Variants in GSTA3 observed in about 807,000 individuals in gnomAD.
GSTA3 encodes glutathione S-transferase A3.
GSTA3 carries 16 observed loss-of-function variants against 23.1 expected under a neutral mutation model. The ratio of observed to expected loss-of-function variants is 0.69; its 90% CI spans 0.47 to 1.05. The LOEUF (loss-of-function observed/expected upper bound fraction) is 1.05, where lower values mean the gene tolerates loss of function less well. Ranked by LOEUF, GSTA3 falls within the 50% of genes least tolerant of loss-of-function variation. The pLI is 0.00. For missense variants in GSTA3, 319 were observed against 263.6 expected (o/e 1.21, Z -1.46); for synonymous variants, 122 against 91.0 (o/e 1.34, Z -1.94).
chr6:52,905,700 G>C, intron 2 of GSTA3, 48 bp downstream of exon 2: 1 of 1,082,314 alleles, frequency 9.2e-7, no homozygotes, highest in Middle Eastern at 2.0e-4. Context: ...AAAATATTTT[G>C]ATACAGTCAA....
rs766921475 is a variant in GSTA3, at chr6:52,905,860, A to AATGAATGAATGAATGCATGAATGG, written c.-21-29_-21-6dup. 7.9e-7 allele frequency: 1 copy of AATGAATGAATGAATGCATGAATGG among 1,260,690 alleles called. No individual in the cohort carries two copies. The highest frequency in any genetic ancestry group is 1.5e-5 in the African/African-American group (1 of 67,504). 78.1% of individuals were successfully genotyped at this position (1,260,690 alleles called of 1,614,324 possible). A position where few individuals can be genotyped will look rare whatever the true frequency, so the allele number is the denominator to read the frequency against. On this transcript the variant is annotated splice_region_variant and splice_polypyrimidine_tract_variant and intron_variant, in intron 1 of 6. Transcript: ENST00000211122. ...GGTAACAGTCTCTTGGTTTCTCTAA[A>AATGAATGAATGAATGCATGAATGG]ATGAATGAATGAATGCATGAATGGA...
At chr6:52,903,249 C>T (rs1030936175) in intron 3 of GSTA3, among the ~76,000 whole-genome samples, 1 of 152,046 alleles carries the variant, frequency 6.6e-6, no homozygotes, top group African/African-American at 2.4e-5. Context: ...TCTCCACCAC[C>T]ACAGCTACCA....
chr6:52,906,447 G>T (rs1235278593), intron 1 of GSTA3, among the ~76,000 whole-genome samples: 1 of 152,108 alleles, frequency 6.6e-6, no homozygotes, highest in Non-Finnish European at 1.5e-5. Context: ...TTTCTTCACA[G>T]AATTGGAAAA....
At chr6:52,904,112 G>A (rs1392302595) in intron 2 of GSTA3, among the ~76,000 whole-genome samples, 1 of 152,064 alleles carries the variant, frequency 6.6e-6, no homozygotes, top group African/African-American at 2.4e-5. Flanking sequence ...TCAGCCACCT[G>A]AGTAGCTGGG....
chr6:52,900,187 T>C (rs552336877), intron 4 of GSTA3, 112 bp from the exon 5 acceptor site: 269 of 788,500 alleles, frequency 3.4e-4, no homozygotes, highest in South Asian at 3.3e-3. Context: ...TTCATCTCCA[T>C]TGGGTGCCTT....
At chr6:52,904,531 G>A (rs1049533928) in intron 2 of GSTA3, among the ~76,000 whole-genome samples, 1 of 152,126 alleles carries the variant, frequency 6.6e-6, no homozygotes, top group African/African-American at 2.4e-5. Flanking sequence ...AGAAAGTGCC[G>A]CCCCGAGGTT....
At chr6:52,903,640 T>C (rs199773328) in intron 3 of GSTA3, 36 bp downstream of exon 3, 27 of 1,103,034 alleles carry the variant, frequency 2.4e-5, no homozygotes, top group Admixed American at 5.4e-5. Context: ...CTCTACTAGA[T>C]ACCCTCATCA....
chr6:52,903,701 T>C lies in GSTA3; in HGVS notation c.114A>G (p.Ala38=), dbSNP rs757276276. 1.3e-6 allele frequency: 2 copies of C among 1,593,790 alleles called. No individual in the cohort carries two copies. Among genetic ancestry groups the C allele is most frequent in the East Asian group, 4.5e-5 (2 of 44,732 alleles). The change falls in exon 3 of 7, where the codon GCA becomes GCG. Residue 38 remains alanine, a synonymous_variant. Coordinates refer to ENST00000211122, the MANE Select transcript of GSTA3 (RefSeq NM_000847.5). ...CATTTCTTAACTTTCCCAAATCTTC[T>C]GCAGATCCTATAAATTTCTCTTCAA... is the stretch of plus-strand genomic sequence containing the variant. ...VEFEEKFIGS[A]EDLGKLRNDG...
intron 3 of GSTA3, 36 bp downstream of exon 3, chr6:52,903,640 T>A (rs199773328): frequency 1.8e-6 from 2 of 1,103,034 alleles, no homozygotes; most frequent in Admixed American, 3.6e-5. Flanking sequence ...CTCTACTAGA[T>A]ACCCTCATCA....
chr6:52,899,905 G>A, intron 5 of GSTA3, 29 bp downstream of exon 5: 1 of 1,611,798 alleles, frequency 6.2e-7, no homozygotes, highest in Non-Finnish European at 8.5e-7. Context: ...TAAACTCAGT[G>A]CCCCAAAATG....
intron 6 of GSTA3, 111 bp from the exon 7 acceptor site, chr6:52,897,039 C>G (rs1193270697): frequency 6.9e-7 from 1 of 1,443,290 alleles, no homozygotes; most frequent in Non-Finnish European, 9.4e-7. Flanking sequence ...TCCCCTCCAT[C>G]AGCACCAGCA....
intron 1 of GSTA3, among the ~76,000 whole-genome samples, chr6:52,906,425 G>C (rs1765891668): frequency 6.6e-6 from 1 of 152,104 alleles, no homozygotes; most frequent in Non-Finnish European, 1.5e-5. Flanking sequence ...ACCATTTTTA[G>C]CTACCAATGA....
In GSTA3 at chr6:52,896,820, T is replaced by A. The variant is rs773410740; in HGVS notation, c.655A>T (p.Ile219Phe). ...DAKALEEARKIFRF is the reference protein window; with the variant it reads ...DAKALEEARKFFRF Reference sequence around the variant, plus strand: ...TGGCTGCTTTATTAAAACCTGAAAATCTTTCTGGCTTCTTCTAAAGCTTTT... The same window carrying A: ...TGGCTGCTTTATTAAAACCTGAAAAACTTTCTGGCTTCTTCTAAAGCTTTT... The change falls in exon 7 of 7, where the codon ATT (isoleucine) becomes TTT (phenylalanine). Residue 219 changes from isoleucine (I) to phenylalanine (F), a missense_variant. Physicochemically the swap from Ile to Phe is conservative, Grantham distance 21. Coordinates refer to ENST00000211122, the MANE Select transcript of GSTA3 (RefSeq NM_000847.5). The A allele has an allele frequency of 6.2e-7, 1 of 1,614,010 alleles. No homozygotes were observed.
rs748414987 is a variant in GSTA3 at position 52,896,863 on chromosome 6, C to G, written c.612G>C (p.Arg204Ser). 6.2e-7 allele frequency: 1 copy of G among 1,614,112 alleles called. No individual in the cohort carries two copies. The highest frequency in any genetic ancestry group is 1.7e-5 in the Admixed American group (1 of 60,014). The stretch of plus-strand genomic sequence containing the variant: ...AAGCTTTTGCATCTGCGGGAGGCTT[C>G]CTTGGGCTGCCAGGCTGTAGAAACT... ...VKKFLQPGSP[R>S]KPPADAKALE... The change falls in exon 7 of 7, where the codon AGG becomes AGC. Residue 204 changes from arginine (R) to serine (S), a missense_variant. Transcript: ENST00000211122.
At position 52,899,963 on chromosome 6, in the gene GSTA3, T is replaced by C. The variant is rs751934546; in HGVS notation, c.385A>G (p.Lys129Glu). ...AKIALIKEKT[K>E]SRYFPAFEKV... ...TCGAAGGCAGGGAAATAGCGACTTT[T>C]TGTTTTCTCTTTGATCAAGGCAATC... The change falls in exon 5 of 7, where the codon AAA (lysine) becomes GAA (glutamate). Residue 129 changes from lysine (K) to glutamate (E), a missense_variant. Physicochemically the swap from Lys to Glu is moderately conservative, Grantham distance 56. Transcript: ENST00000211122. 1.2e-6 allele frequency: 2 copies of C among 1,614,152 alleles called. No homozygotes were observed. The highest frequency in any genetic ancestry group is 3.3e-5 in the Admixed American group (2 of 60,026).
At chr6:52,902,108 C>T (rs1264031313) in intron 4 of GSTA3, among the ~76,000 whole-genome samples, 2 of 152,198 alleles carry the variant, frequency 1.3e-5, no homozygotes, top group African/African-American at 4.8e-5. Context: ...TTGGAAACCT[C>T]TGTCAGGGTG....
chr6:52,903,623 G>A, intron 3 of GSTA3, 53 bp downstream of exon 3: 2 of 933,472 alleles, frequency 2.1e-6, no homozygotes, highest in Non-Finnish European at 3.4e-6. Flanking sequence ...ATCTTCAGCG[G>A]TACCTTCTCT....
chr6:52,901,353 A>G (rs1264112555), intron 4 of GSTA3, among the ~76,000 whole-genome samples: 1 of 152,204 alleles, frequency 6.6e-6, no homozygotes, highest in East Asian at 1.9e-4. Flanking sequence ...AATATTCTAG[A>G]CATTTCATAC....
intron 4 of GSTA3, among the ~76,000 whole-genome samples, chr6:52,901,917 T>A (rs978589580): frequency 1.3e-5 from 2 of 152,272 alleles, no homozygotes; most frequent in East Asian, 3.9e-4. Flanking sequence ...TGGGCATCAT[T>A]CTTGGAATTA....
Sources: allele counts gnomAD v4.1 joint callset (sites outside exome capture counted in the v4.1 genomes callset), GRCh38; gene constraint gnomAD v4.1.1; transcripts MANE v1.5; gene names NCBI Gene and HGNC (gene_info 2026-07-23, HGNC 2026-07-21).